CDH7: variants seen among roughly 807,000 people sequenced by gnomAD.
The protein encoded by CDH7 is cadherin-7.
CDH7 carries 25 observed loss-of-function variants against 71.8 expected under a neutral mutation model. The observed-to-expected ratio is 0.35, with a 90% CI of 0.25 to 0.49. The LOEUF is 0.49. Ranked by LOEUF, CDH7 falls within the 20% of genes least tolerant of loss-of-function variation. The pLI is 0.99. For synonymous variants in CDH7, 381 were observed against 363.8 expected (o/e 1.05, Z -0.54); for missense variants, 862 against 974.6 (o/e 0.88, Z 1.54).
rs1038481492 is a variant in CDH7 at position 65,788,494 on chromosome 18, T to C, written c.211-21210T>C. On this transcript the variant is annotated intron_variant, in intron 2 of 11. Coordinates refer to ENST00000397968, the MANE Select transcript of CDH7 (RefSeq NM_004361.5). ...TATCACATGGTGTGTAAAGTTCATG[T>C]TGGTAGCTGCAAGTCATGCTGTGTA... Among the ~76,000 whole-genome samples, 4 of 152,160 alleles carry C rather than the reference T, an allele frequency of 2.6e-5. 1 individual carries two copies. The highest frequency in any genetic ancestry group is 5.9e-5 in the Non-Finnish European group (4 of 68,018).
chr18:65,840,291 G>A (rs928468979), intron 6 of CDH7, among the ~76,000 whole-genome samples: 2 of 152,140 alleles, frequency 1.3e-5, no homozygotes, highest in African/African-American at 4.8e-5. Flanking sequence ...GTCACTTGAT[G>A]TATGAAAAAG....
At chr18:65,818,237 T>G (rs116574598) in intron 4 of CDH7, among the ~76,000 whole-genome samples, 2,197 of 152,334 alleles carry the variant, frequency 0.014, 41 homozygotes, top group African/African-American at 0.049. Context: ...TAGTTAACTT[T>G]GGATGCTATA....
intron 3 of CDH7, among the ~76,000 whole-genome samples, chr18:65,812,327 T>G (rs549533095): frequency 6.6e-6 from 1 of 152,264 alleles, no homozygotes; most frequent in South Asian, 2.1e-4. Context: ...GTTTGGAATT[T>G]TCTTAGAGAA....
chr18:65,843,457 G>C (rs913022941), intron 6 of CDH7, among the ~76,000 whole-genome samples: 1 of 151,998 alleles, frequency 6.6e-6, no homozygotes, highest in Admixed American at 6.6e-5. Context: ...GTGCACCCTG[G>C]GTAGTACAGT....
rs575072214 is a variant in CDH7 at position 65,888,335 on chromosome 18, T to A, written c.*7441T>A. On this transcript the variant is annotated 3_prime_UTR_variant, in exon 12 of 12. Transcript: ENST00000397968. ...TTTATTGTGTGTTTTGCTGTATTTT[T>A]AAAAAATAAGAAAAAATTATCACAG... The A allele has an allele frequency of 9.8e-4, 149 of 152,250 alleles. 1 individual carries two copies. The highest frequency in any genetic ancestry group is 3.4e-3 in the Middle Eastern group (1 of 294). 9.4% of individuals were successfully genotyped at this position (152,250 alleles called of 1,614,324 possible).
At chr18:65,751,445 C>G (rs1310524965) in intron 1 of CDH7, among the ~76,000 whole-genome samples, 1 of 152,184 alleles carries the variant, frequency 6.6e-6, no homozygotes, top group East Asian at 1.9e-4. Context: ...CCGGCACTCT[C>G]CAGGTGCAGC....
intron 6 of CDH7, among the ~76,000 whole-genome samples, chr18:65,842,620 G>A (rs1437111649): frequency 2.0e-5 from 3 of 151,738 alleles, no homozygotes; most frequent in Non-Finnish European, 4.4e-5. Flanking sequence ...ACATCCTATT[G>A]TATACTTATA....
At position 65,859,837 on chromosome 18, in the gene CDH7, A is replaced by T; in HGVS notation, c.1612+12A>T. On this transcript the variant is annotated intron_variant, in intron 10 of 11. Transcript: ENST00000397968. ...GAAAGATAACAAAGGTAATGTATTA[A>T]TATTGTTACCGATAGAGGCAGCAGG... 1 of 1,428,306 alleles carries T rather than the reference A, an allele frequency of 7.0e-7. No individual in the cohort carries two copies. Among genetic ancestry groups the T allele is most frequent in the East Asian group, 2.3e-5 (1 of 43,978 alleles). The allele number at this position is 1,428,306 out of a possible 1,614,324, so 88.5% of individuals were successfully genotyped here.
intron 11 of CDH7, among the ~76,000 whole-genome samples, chr18:65,875,653 A>G: frequency 6.6e-6 from 1 of 152,178 alleles, no homozygotes; most frequent in East Asian, 1.9e-4. Flanking sequence ...TTGGAAGACC[A>G]AGGCAGGAGG....
At chr18:65,815,642 G>A (rs1911697445) in intron 4 of CDH7, among the ~76,000 whole-genome samples, 1 of 152,308 alleles carries the variant, frequency 6.6e-6, no homozygotes, top group Non-Finnish European at 1.5e-5. Flanking sequence ...CTTTCATAGA[G>A]ATGGAATGCA....
chr18:65,765,730 C>T (rs1191819645), intron 2 of CDH7, among the ~76,000 whole-genome samples: 1 of 151,930 alleles, frequency 6.6e-6, no homozygotes, highest in African/African-American at 2.4e-5. Flanking sequence ...CATTTTGTAC[C>T]TTAACTTGAT....
chr18:65,751,069 G>C lies in CDH7; in HGVS notation c.-278G>C, dbSNP rs1038639606. Reference sequence around the variant, plus strand: ...GGTCCCCAAGAGCCCGCGGGCGTCCGGCAGCCGAGCGCACGTTCTTTCGGA... The same window carrying C: ...GGTCCCCAAGAGCCCGCGGGCGTCCCGCAGCCGAGCGCACGTTCTTTCGGA... On this transcript the variant is annotated 5_prime_UTR_variant, in exon 1 of 12. Coordinates refer to ENST00000397968, the MANE Select transcript of CDH7 (RefSeq NM_004361.5). The C allele has an allele frequency of 6.6e-6, 1 of 152,256 alleles. No homozygotes were observed. Among genetic ancestry groups the C allele is most frequent in the Non-Finnish European group, 1.5e-5 (1 of 68,096 alleles). 9.4% of individuals were successfully genotyped at this position (152,256 alleles called of 1,614,324 possible). A position where few individuals can be genotyped will look rare whatever the true frequency, so the allele number is the denominator to read the frequency against.
intron 2 of CDH7, among the ~76,000 whole-genome samples, chr18:65,769,667 G>A (rs1363171534): frequency 6.6e-6 from 1 of 152,110 alleles, no homozygotes; most frequent in African/African-American, 2.4e-5. Context: ...CATCTGTCCT[G>A]TTTCCTTATA....
chr18:65,858,223 A>G (rs1310934887), intron 8 of CDH7, among the ~76,000 whole-genome samples: 1 of 152,104 alleles, frequency 6.6e-6, no homozygotes, highest in Non-Finnish European at 1.5e-5. Context: ...TAATTCATAT[A>G]TTGTGTTTAT....
rs1914341625 is a variant in CDH7, at chr18:65,885,370, G to GTGTTTTTTT, written c.*4478_*4486dup. The GTGTTTTTTT allele has an allele frequency of 4.7e-5, 1 of 21,326 alleles. No individual in the cohort carries two copies. Among genetic ancestry groups the GTGTTTTTTT allele is most frequent in the Non-Finnish European group, 2.2e-4 (1 of 4,610 alleles). 1.3% of individuals were successfully genotyped at this position (21,326 alleles called of 1,614,324 possible). On this transcript the variant is annotated 3_prime_UTR_variant, in exon 12 of 12. Coordinates refer to ENST00000397968, the MANE Select transcript of CDH7 (RefSeq NM_004361.5). ...ATGTAACTGAAAAGGATGTGTGCCT[G>GTGTTTTTTT]TGTTTTTTTTTTTTTTTTTTTTTTT...
Position 65,880,686 on chromosome 18 carries a change from A to G in CDH7, c.2150A>G (p.Glu717Gly). The G allele has an allele frequency of 1.2e-6, 2 of 1,614,102 alleles. No homozygotes were observed. Among genetic ancestry groups the G allele is most frequent in the Non-Finnish European group, 1.7e-6 (2 of 1,180,010 alleles). Reference sequence around the variant, plus strand: ...GAATTTATTTGGGAAAGATTAAAAGAAGCCGATGTTGATCCTGGTGCTCCT... The same window carrying G: ...GAATTTATTTGGGAAAGATTAAAAGGAGCCGATGTTGATCCTGGTGCTCCT... ...FREFIWERLK[E>G]ADVDPGAPPY... Residue 717 changes from glutamate to glycine, a missense_variant, in exon 12 of 12, where the codon GAA becomes GGA. Glu to Gly is a moderately conservative substitution (Grantham distance 98). Transcript: ENST00000397968.
chr18:65,754,288 C>T (rs1915970709), intron 1 of CDH7, among the ~76,000 whole-genome samples: 1 of 152,146 alleles, frequency 6.6e-6, no homozygotes, highest in Non-Finnish European at 1.5e-5. Flanking sequence ...ACCAGATGCA[C>T]ACTACAGGCT....
At chr18:65,772,988 A>G (rs959357168) in intron 2 of CDH7, among the ~76,000 whole-genome samples, 8 of 152,290 alleles carry the variant, frequency 5.3e-5, no homozygotes, top group African/African-American at 7.2e-5. Context: ...CACACTGTCT[A>G]TGGCTTCCAA....
intron 2 of CDH7, among the ~76,000 whole-genome samples, chr18:65,809,384 C>G (rs751984936): frequency 4.6e-5 from 7 of 152,202 alleles, no homozygotes; most frequent in Non-Finnish European, 8.8e-5. Context: ...AATGCCTGCT[C>G]TGTTCAAAGA....
Sources: allele counts gnomAD v4.1 joint callset (sites outside exome capture counted in the v4.1 genomes callset), GRCh38; gene constraint gnomAD v4.1.1; transcripts MANE v1.5; gene names NCBI Gene and HGNC (gene_info 2026-07-23, HGNC 2026-07-21).